ZFR2: variants seen among roughly 807,000 people sequenced by gnomAD.
The protein encoded by ZFR2 is zinc finger RNA binding protein 2.
In ZFR2, 104 loss-of-function variants were observed where a neutral mutation model predicts 105.7. That is an observed-to-expected ratio of 0.98 (90% CI 0.84 to 1.16). The LOEUF (loss-of-function observed/expected upper bound fraction) is 1.16, where lower values mean the gene tolerates loss of function less well. Ranked by LOEUF, ZFR2 falls within the 50% of genes most tolerant of loss-of-function variation. The probability of loss-of-function intolerance (pLI) is 0.00; values close to 1 mark genes in which losing one functional copy is unlikely to be tolerated. For synonymous variants in ZFR2, 634 were observed against 597.7 expected (o/e 1.06, Z -0.89); for missense variants, 1,425 against 1,355.5 (o/e 1.05, Z -0.80).
At chr19:3,826,787 G>A (rs914740625) in intron 6 of ZFR2, among the ~76,000 whole-genome samples, 4 of 152,088 alleles carry the variant, frequency 2.6e-5, no homozygotes, top group African/African-American at 9.7e-5. Flanking sequence ...CTACAGCAGG[G>A]AGTGTGAAGA....
intron 1 of ZFR2, among the ~76,000 whole-genome samples, chr19:3,853,542 T>C (rs953143766): frequency 6.6e-6 from 1 of 151,970 alleles, no homozygotes; most frequent in Non-Finnish European, 1.5e-5. Context: ...TGGATGAACC[T>C]TGAGGACATC....
At chr19:3,836,642 G>A (rs2038077990) in intron 1 of ZFR2, among the ~76,000 whole-genome samples, 1 of 152,170 alleles carries the variant, frequency 6.6e-6, no homozygotes, top group Non-Finnish European at 1.5e-5. Flanking sequence ...ATGAGTCTTT[G>A]TAGGGTTTGC....
chr19:3,868,214 G>A (rs2038456226), intron 1 of ZFR2, among the ~76,000 whole-genome samples: 1 of 149,864 alleles, frequency 6.7e-6, no homozygotes, highest in Non-Finnish European at 1.5e-5. Flanking sequence ...CCCCATCAGG[G>A]GCCAATTCCT....
chr19:3,849,293 C>T (rs1326117729), intron 1 of ZFR2, among the ~76,000 whole-genome samples: 2 of 152,232 alleles, frequency 1.3e-5, no homozygotes, highest in African/African-American at 4.8e-5. Context: ...GCTGTGCCTC[C>T]GCACACAGCT....
chr19:3,859,632 C>T (rs755731067), intron 1 of ZFR2, among the ~76,000 whole-genome samples: 4 of 152,206 alleles, frequency 2.6e-5, no homozygotes, highest in Non-Finnish European at 4.4e-5. Flanking sequence ...AGGTGGAGGG[C>T]GCAGGGCCTC....
chr19:3,866,089 G>A (rs1218075803), intron 1 of ZFR2, among the ~76,000 whole-genome samples: 4 of 152,134 alleles, frequency 2.6e-5, no homozygotes, highest in African/African-American at 9.7e-5. Context: ...CGATCCGCTT[G>A]CCTCGGCCTC....
At chr19:3,810,110 C>T (rs1032017662) in intron 16 of ZFR2, among the ~76,000 whole-genome samples, 2 of 152,172 alleles carry the variant, frequency 1.3e-5, no homozygotes, top group African/African-American at 4.8e-5. Flanking sequence ...GGGCAAGACA[C>T]CACTCCAGCA....
chr19:3,828,347 C>G (rs1397240840), intron 5 of ZFR2, among the ~76,000 whole-genome samples: 1 of 152,114 alleles, frequency 6.6e-6, no homozygotes, highest in African/African-American at 2.4e-5. Flanking sequence ...CGTAACAAAC[C>G]CACAGGCTCA....
intron 1 of ZFR2, among the ~76,000 whole-genome samples, chr19:3,846,136 C>T (rs1186439767): frequency 6.6e-6 from 1 of 152,220 alleles, no homozygotes; most frequent in African/African-American, 2.4e-5. Flanking sequence ...GCCACCACGC[C>T]TGGCTAATTT....
intron 1 of ZFR2, among the ~76,000 whole-genome samples, chr19:3,851,114 G>A (rs957975765): frequency 6.6e-6 from 1 of 152,042 alleles, no homozygotes; most frequent in Non-Finnish European, 1.5e-5. Flanking sequence ...GTATTGTTAG[G>A]GAAGCCCCAG....
chr19:3,822,228 C>T, intron 8 of ZFR2, 28 bp from the exon 9 acceptor site: 1 of 1,558,660 alleles, frequency 6.4e-7, no homozygotes, highest in Non-Finnish European at 8.7e-7. Flanking sequence ...CGCACGCGCA[C>T]CAGGCACGAG....
At chr19:3,828,962 C>CTTT (rs34334054) in intron 5 of ZFR2, among the ~76,000 whole-genome samples, 1 of 139,774 alleles carries the variant, frequency 7.2e-6, no homozygotes, top group Non-Finnish European at 1.5e-5. Flanking sequence ...ACTTAGGAAT[C>CTTT]TTTTTTTTTT....
intron 5 of ZFR2, 45 bp from the exon 6 acceptor site, chr19:3,827,698 T>G: frequency 6.4e-7 from 1 of 1,551,584 alleles, no homozygotes; most frequent in South Asian, 1.2e-5. Flanking sequence ...GTTTGCACAC[T>G]GGCCACTGTC....
Position 3,831,534 on chromosome 19 carries a change from GTCATAGT to G in ZFR2, c.614_620del (p.Asn205ThrfsTer220). 1 of 1,561,226 alleles carries G rather than the reference GTCATAGT, an allele frequency of 6.4e-7. No homozygotes were observed. Among genetic ancestry groups the G allele is most frequent in the Non-Finnish European group, 8.7e-7 (1 of 1,153,280 alleles). On this transcript the variant is annotated frameshift_variant, in exon 5 of 19. Transcript: ENST00000262961. LOFTEE classifies it high-confidence loss of function. ...GGCTGGCAGCGGAGTACACCGACGC[GTCATAGT>G]TCGGGTAGCTTGGTGCTGAGCAGCA...
chr19:3,868,888 G>A (rs2038466522), intron 1 of ZFR2, 77 bp downstream of exon 1: 4 of 1,146,564 alleles, frequency 3.5e-6, no homozygotes, highest in Admixed American at 4.3e-5. Context: ...CGCACGCGGC[G>A]GGAGAAGGGG....
chr19:3,860,119 C>G (rs1226912200), intron 1 of ZFR2, among the ~76,000 whole-genome samples: 1 of 152,036 alleles, frequency 6.6e-6, no homozygotes, highest in Non-Finnish European at 1.5e-5. Flanking sequence ...TGGCCTCAAA[C>G]TCCTGGGTTC....
chr19:3,805,797 T>C lies in ZFR2; in HGVS notation c.*152A>G. The C allele has an allele frequency of 4.3e-6, 4 of 940,226 alleles. No individual in the cohort carries two copies. Among genetic ancestry groups the C allele is most frequent in the Non-Finnish European group, 5.9e-6 (4 of 676,626 alleles). The allele number at this position is 940,226 out of a possible 1,614,324, so 58.2% of individuals were successfully genotyped here. A position where few individuals can be genotyped will look rare whatever the true frequency, so the allele number is the denominator to read the frequency against. ...AAGGCATGAGCCACAGTGCCCGGTC[T>C]GAAGCACAGGTGTTTTAAAGGAAAC... On this transcript the variant is annotated 3_prime_UTR_variant, in exon 19 of 19. Coordinates refer to ENST00000262961, the MANE Select transcript of ZFR2 (RefSeq NM_015174.2).
chr19:3,856,780 G>C (rs1164638369), intron 1 of ZFR2, among the ~76,000 whole-genome samples: 1 of 152,172 alleles, frequency 6.6e-6, no homozygotes, highest in African/African-American at 2.4e-5. Context: ...GCCCAGGCTG[G>C]AGTGCAATGG....
chr19:3,832,550 G>C (rs887584469), intron 3 of ZFR2, among the ~76,000 whole-genome samples: 2 of 151,818 alleles, frequency 1.3e-5, no homozygotes, highest in African/African-American at 4.8e-5. Context: ...TCGATCGCTT[G>C]ACCTTGTGAT....
Sources: allele counts gnomAD v4.1 joint callset (sites outside exome capture counted in the v4.1 genomes callset), GRCh38; gene constraint gnomAD v4.1.1; transcripts MANE v1.5; gene names NCBI Gene and HGNC (gene_info 2026-07-23, HGNC 2026-07-21).